The following CCDC3 variants were observed in gnomAD, a reference collection of about 807,000 sequenced individuals.
CCDC3 encodes coiled-coil domain containing 3.
Under a neutral mutation model 21.4 loss-of-function variants are expected in CCDC3, and 24 were observed. The ratio of observed to expected loss-of-function variants is 1.12; its 90% CI spans 0.81 to 1.58. The LOEUF (loss-of-function observed/expected upper bound fraction) is 1.58. Among genes scored for constraint, CCDC3 ranks in the 40% most tolerant of loss-of-function variants. CCDC3 has a pLI of 0.00. For missense variants in CCDC3, 425 were observed against 360.9 expected (o/e 1.18, Z -1.44); for synonymous variants, 186 against 166.0 (o/e 1.12, Z -0.93).
At chr10:13,078,952 T>A (rs1368546447) in intron 3 of CCDC3, among the ~76,000 whole-genome samples, 1 of 152,084 alleles carries the variant, frequency 6.6e-6, no homozygotes, top group Non-Finnish European at 1.5e-5. Context: ...ATGGCACATG[T>A]ATACATATAT....
At chr10:13,082,128 A>T (rs796742961) in intron 3 of CCDC3, among the ~76,000 whole-genome samples, 13 of 152,342 alleles carry the variant, frequency 8.5e-5, no homozygotes, top group African/African-American at 2.9e-4. Flanking sequence ...AGAAGAAAAG[A>T]CAGCTGGGCC....
intron 5 of CCDC3, among the ~76,000 whole-genome samples, chr10:13,047,321 T>C (rs1331589145): frequency 1.3e-5 from 2 of 152,182 alleles, no homozygotes; most frequent in African/African-American, 2.4e-5. Flanking sequence ...TGAGTCTCCA[T>C]GGAGCTGGTG....
chr10:13,095,918 T>G (rs1250058166), intron 3 of CCDC3, among the ~76,000 whole-genome samples: 1 of 152,192 alleles, frequency 6.6e-6, no homozygotes, highest in Non-Finnish European at 1.5e-5. Flanking sequence ...CCTTTGCAGT[T>G]CAAAGCCACC....
intron 5 of CCDC3, among the ~76,000 whole-genome samples, chr10:13,013,157 A>C (rs2131399845): frequency 6.6e-6 from 1 of 152,324 alleles, no homozygotes; most frequent in East Asian, 1.9e-4. Context: ...GTCGACCAAG[A>C]AGGTCCAGGA....
Position 13,001,394 on chromosome 10 carries a change from G to A in CCDC3, c.177C>T (p.Tyr59=). 1.3e-6 allele frequency: 2 copies of A among 1,577,958 alleles called. No homozygotes were observed. Among genetic ancestry groups the A allele is most frequent in the Non-Finnish European group, 1.7e-6 (2 of 1,163,016 alleles). The change falls in exon 1 of 3, where the codon TAC becomes TAT. Residue 59 remains tyrosine (Y), a synonymous_variant. Transcript: ENST00000378825. The stretch of plus-strand genomic sequence containing the variant: ...CGTGGTACTGCCAGGGCAGGTGGTT[G>A]TAGAGGCCGGGCGCCTCGGGGTGCA... ...LALHPEAPGL[Y]NHLPWQYHAG... is the part of the protein sequence containing the mutation.
intron 2 of CCDC3, among the ~76,000 whole-genome samples, chr10:12,923,648 T>A (rs560467814): frequency 3.9e-4 from 60 of 152,302 alleles, no homozygotes; most frequent in African/African-American, 1.4e-3. Flanking sequence ...CTTTGGGATA[T>A]GCGTCCCGGT....
At chr10:13,007,482 G>A (rs1835938765) in intron 5 of CCDC3, among the ~76,000 whole-genome samples, 1 of 152,112 alleles carries the variant, frequency 6.6e-6, no homozygotes, top group Non-Finnish European at 1.5e-5. Flanking sequence ...GTTCTGCCTG[G>A]AGTCTGCTGA....
intron 2 of CCDC3, among the ~76,000 whole-genome samples, chr10:12,974,593 G>T: frequency 6.6e-6 from 1 of 152,242 alleles, no homozygotes. Flanking sequence ...GTGCTGGGAA[G>T]CAGAGGTGTG....
At chr10:12,977,783 A>C (rs535073) in intron 2 of CCDC3, among the ~76,000 whole-genome samples, 86,553 of 152,038 alleles carry the variant, frequency 0.57, 24,668 homozygotes, top group South Asian at 0.67. Context: ...TCAAGTTCCT[A>C]TTGTTCATGA....
chr10:12,906,160 T>G (rs142128197), intron 2 of CCDC3, among the ~76,000 whole-genome samples: 1 of 152,106 alleles, frequency 6.6e-6, no homozygotes, highest in African/African-American at 2.4e-5. Context: ...CACTGGAGGA[T>G]GCCCAGAGCT....
chr10:13,096,141 CTA>C (rs373047706), intron 3 of CCDC3, among the ~76,000 whole-genome samples: 15 of 148,584 alleles, frequency 1.0e-4, no homozygotes, highest in African/African-American at 1.5e-4. Flanking sequence ...CTTTCTCTCT[CTA>C]CTTCCTTCCT....
At chr10:12,945,780 G>A (rs919088699) in intron 2 of CCDC3, among the ~76,000 whole-genome samples, 1 of 152,152 alleles carries the variant, frequency 6.6e-6, no homozygotes, top group Non-Finnish European at 1.5e-5. Flanking sequence ...ATCATTTCTA[G>A]TAAAAAGAAC....
At chr10:13,041,386 A>G (rs1393911076) in intron 5 of CCDC3, among the ~76,000 whole-genome samples, 1 of 151,828 alleles carries the variant, frequency 6.6e-6, no homozygotes. Context: ...TTTTTATGTG[A>G]ATGTTTATTT....
intron 2 of CCDC3, among the ~76,000 whole-genome samples, chr10:12,991,627 C>A (rs961677968): frequency 6.6e-6 from 1 of 152,164 alleles, no homozygotes; most frequent in Non-Finnish European, 1.5e-5. Context: ...AACCACCAAT[C>A]CTGGCTTTGA....
chr10:13,099,187 C>T lies in CCDC3; in HGVS notation c.-684G>A, dbSNP rs372033295. 56 of 152,586 alleles carry T rather than the reference C, an allele frequency of 3.7e-4. No homozygotes were observed. In the South Asian group the frequency reaches 6.6e-3, roughly 18 times the overall value. The allele number at this position is 152,586 out of a possible 1,614,324, so 9.5% of individuals were successfully genotyped here. ...AGTCGCTGACTTGCTTGCTTCTCTG[C>T]CCTGCTCTTGGGGTTAGCCTCAGGG... On this transcript the variant is annotated 5_prime_UTR_variant, in exon 2 of 7. Coordinates refer to the CCDC3 transcript ENST00000378839.
At chr10:12,956,260 T>C (rs1835084164) in intron 2 of CCDC3, among the ~76,000 whole-genome samples, 1 of 152,228 alleles carries the variant, frequency 6.6e-6, no homozygotes. Context: ...CTATGTCTTT[T>C]CAAAGTAGGC....
chr10:12,911,545 T>G (rs545093314), intron 2 of CCDC3, among the ~76,000 whole-genome samples: 17 of 143,642 alleles, frequency 1.2e-4, no homozygotes, highest in Non-Finnish European at 2.2e-4. Flanking sequence ...GTATTTACTT[T>G]AACATTTTAA....
In CCDC3 at chr10:12,916,675, C is replaced by T. The variant is rs539579498; in HGVS notation, c.550-17996G>A. Reference sequence around the variant, plus strand: ...CAGGGGTGCCAACCTGGTACTATGGCGGGCTCAAAGCCTGGAGCCAAGTGG... The same window carrying T: ...CAGGGGTGCCAACCTGGTACTATGGTGGGCTCAAAGCCTGGAGCCAAGTGG... On this transcript the variant is annotated intron_variant, in intron 2 of 2. Transcript: ENST00000378825. 5.3e-5 allele frequency among the ~76,000 whole-genome samples: 8 copies of T among 151,658 alleles called. No homozygotes were observed. In the East Asian group the frequency reaches 5.8e-4, roughly 11 times the overall value.
At chr10:13,035,099 CCA>C (rs1401556986) in intron 5 of CCDC3, among the ~76,000 whole-genome samples, 1 of 151,586 alleles carries the variant, frequency 6.6e-6, no homozygotes, top group Non-Finnish European at 1.5e-5. Flanking sequence ...CCTACGAAGC[CCA>C]GTCCTGGCAT....
Sources: allele counts gnomAD v4.1 joint callset (sites outside exome capture counted in the v4.1 genomes callset), GRCh38; gene constraint gnomAD v4.1.1; transcripts MANE v1.5; gene names NCBI Gene and HGNC (gene_info 2026-07-23, HGNC 2026-07-21).